SEMA7A: variants seen among roughly 807,000 people sequenced by gnomAD.
SEMA7A encodes semaphorin-7A.
SEMA7A carries 21 observed loss-of-function variants against 67.5 expected under a neutral mutation model. That is an observed-to-expected ratio of 0.31 (90% CI 0.22 to 0.45). The LOEUF (loss-of-function observed/expected upper bound fraction) is 0.45, where lower values mean the gene tolerates loss of function less well. SEMA7A is among the 20% of genes least tolerant of loss of function. The pLI is 1.00. For missense variants in SEMA7A, 774 were observed against 908.6 expected, an observed-to-expected ratio of 0.85 and a Z score of 1.90; for synonymous variants, 364 against 368.5, an observed-to-expected ratio of 0.99 and a Z score of 0.14.
At chr15:74,425,666 T>C (rs1346499156) in intron 1 of SEMA7A, among the ~76,000 whole-genome samples, 1 of 152,234 alleles carries the variant, frequency 6.6e-6, no homozygotes, top group Non-Finnish European at 1.5e-5. Flanking sequence ...GCTTTGATGT[T>C]GCCCTGGCAT....
Position 74,411,895 on chromosome 15 carries a change from T to C in SEMA7A, c.1412A>G (p.Asp471Gly). 6.2e-7 allele frequency: 1 copy of C among 1,613,906 alleles called. No individual in the cohort carries two copies. The highest frequency in any genetic ancestry group is 8.5e-7 in the Non-Finnish European group (1 of 1,180,032). The change falls in exon 11 of 14, where the codon GAT (aspartate) becomes GGT (glycine). Residue 471 changes from aspartate (D) to glycine (G), a missense_variant. Coordinates refer to ENST00000261918, the MANE Select transcript of SEMA7A (RefSeq NM_003612.5). The surrounding 1 kb of genome is among the most constrained non-coding windows in gnomAD (Gnocchi z 4.4). The part of the protein sequence containing the change: ...RAAAIQTMSL[D>G]AERRKLYVSS... ...TGGGGGAAGGCTCACCCGCTCAGCA[T>C]CCAGCGACATGGTCTGGATGGCAGC... is the stretch of plus-strand genomic sequence containing the variant.
chr15:74,418,354 G>C, intron 2 of SEMA7A, 45 bp from the exon 3 acceptor site: 2 of 1,587,468 alleles, frequency 1.3e-6, no homozygotes, highest in Non-Finnish European at 1.7e-6. Context: ...CAGGGGTGAG[G>C]TACCCCTGAA....
chr15:74,417,312 A>T, intron 6 of SEMA7A, 23 bp downstream of exon 6: 1 of 1,595,968 alleles, frequency 6.3e-7, no homozygotes, highest in Non-Finnish European at 8.6e-7. Context: ...GCCCACCCTC[A>T]GCCCAGCCGG....
Position 74,418,785 on chromosome 15 carries a change from G to A in SEMA7A, c.330+16C>T. ...TAAGAGGGTAGGGGGGGTGTTGGGG[G>A]AAGAGAGAGGCTCACCGTGCGCACA... On this transcript the variant is annotated intron_variant, in intron 2 of 13. Coordinates refer to ENST00000261918, the MANE Select transcript of SEMA7A (RefSeq NM_003612.5). 4.3e-6 allele frequency: 7 copies of A among 1,611,824 alleles called. No individual in the cohort carries two copies. In the South Asian group the frequency reaches 5.5e-5, roughly 13 times the overall value.
Position 74,410,893 on chromosome 15 carries a change from G to A in SEMA7A, c.1732C>T (p.Arg578Cys), listed in dbSNP as rs763712355. Reference sequence around the variant, plus strand: ...CTCTGCTCCACGTTCTCCTTGTGGCGCCATGAGTAGGTGGCGTGGCGGGAT... The same window carrying A: ...CTCTGCTCCACGTTCTCCTTGTGGCACCATGAGTAGGTGGCGTGGCGGGAT... ...MESRHATYSW[R>C]HKENVEQSCE... Residue 578 changes from arginine to cysteine, a missense_variant, in exon 14 of 14, where the codon CGC (arginine) becomes TGC (cysteine). By Grantham distance (180) the Arg-to-Cys change is radical. Around this residue, in one of 2 missense-constraint regions of SEMA7A, gnomAD observed 427 missense variants for 555.4 expected, o/e 0.77. Transcript: ENST00000261918. The surrounding 1 kb of genome is among the most constrained non-coding windows in gnomAD (Gnocchi z 7.5). 3.7e-6 allele frequency: 6 copies of A among 1,614,200 alleles called. No individual in the cohort carries two copies. Among genetic ancestry groups the A allele is most frequent in the East Asian group, 2.2e-5 (1 of 44,886 alleles).
At position 74,427,407 on chromosome 15, in the gene SEMA7A, C is replaced by T. The variant is rs190739201; in HGVS notation, c.178+6334G>A. ...TGGAGTGCAGAAGTCATCACAGTGA[C>T]CTTCCTTCCTCGACAGGCTGGGCCA... On this transcript the variant is annotated intron_variant, in intron 1 of 13. Transcript: ENST00000261918. 1.7e-4 allele frequency: 171 copies of T among 985,270 alleles called. 2 individuals carry two copies. In the Admixed American group the frequency reaches 9.0e-3, roughly 52 times the overall value. The allele number at this position is 985,270 out of a possible 1,614,324, so 61.0% of individuals were successfully genotyped here.
In SEMA7A at chr15:74,433,761, C is replaced by A. The variant is rs1186289093; in HGVS notation, c.158G>T (p.Arg53Leu). 1.4e-6 allele frequency: 2 copies of A among 1,445,208 alleles called. No homozygotes were observed. The highest frequency in any genetic ancestry group is 1.4e-5 in the South Asian group (1 of 73,808). 89.5% of individuals were successfully genotyped at this position (1,445,208 alleles called of 1,614,324 possible). A position where few individuals can be genotyped will look rare whatever the true frequency, so the allele number is the denominator to read the frequency against. ...CCTACCTTTCCAGACGGCGAAGATG[C>A]GGGGTCCGCTCCTTAGGTGGCCCTG... Reference protein sequence around the residue: ...SAQGHLRSGPRIFAVWKGHVG... With the variant: ...SAQGHLRSGPLIFAVWKGHVG... The change falls in exon 1 of 14, where the codon CGC (arginine) becomes CTC (leucine). Residue 53 changes from arginine to leucine, a missense_variant. By Grantham distance (102) the Arg-to-Leu change is moderately radical. Transcript: ENST00000261918.
rs1339710037 is a variant in SEMA7A at position 74,433,957 on chromosome 15, C to G, written c.-39G>C. On this transcript the variant is annotated 5_prime_UTR_variant, in exon 1 of 14. Transcript: ENST00000261918. ...GAGCGACAGCGGCAATCAGCCGAGACTGAGCCAGCGCCCGGCCGCAGGCAG... is the reference window on the plus strand; with the variant it reads ...GAGCGACAGCGGCAATCAGCCGAGAGTGAGCCAGCGCCCGGCCGCAGGCAG... The G allele has an allele frequency of 1.6e-6, 2 of 1,235,006 alleles. No homozygotes were observed. The allele number at this position is 1,235,006 out of a possible 1,614,324, so 76.5% of individuals were successfully genotyped here.
In SEMA7A at chr15:74,414,128, G is replaced by A. The variant is rs1395223483; in HGVS notation, c.1294+419C>T. On this transcript the variant is annotated intron_variant, in intron 10 of 13. Transcript: ENST00000261918. This position sits in a 1 kb window ranked among gnomAD's most constrained non-coding sequence, Gnocchi z 4.1. ...ACTCCTCAAATGTTTCCTCTCACCT[G>A]CACAATCCCAAAGACAGGCGCAGGG... is the stretch of plus-strand genomic sequence containing the variant. 2.0e-5 allele frequency among the ~76,000 whole-genome samples: 3 copies of A among 152,156 alleles called. No individual in the cohort carries two copies. The highest frequency in any genetic ancestry group is 7.2e-5 in the African/African-American group (3 of 41,420).
chr15:74,427,035 GATT>G (rs1473946068), intron 1 of SEMA7A, among the ~76,000 whole-genome samples: 1 of 152,116 alleles, frequency 6.6e-6, no homozygotes, highest in Admixed American at 6.6e-5. Context: ...CCCCTCCCTG[GATT>G]GACCTTCCTC....
At position 74,414,569 on chromosome 15, in the gene SEMA7A, A is replaced by T; in HGVS notation, c.1272T>A (p.Phe424Leu). ...HRMQASHGET[F>L]HVLYLTTDRG... ...CACCTGTAGTTAGGTAAAGCACATG[A>T]AAGGTCTCCCCGTGGCTGGCTTGCA... Residue 424 changes from phenylalanine (F) to leucine (L), a missense_variant, in exon 10 of 14, where the codon TTT (phenylalanine) becomes TTA (leucine). Physicochemically the swap from Phe to Leu is conservative, Grantham distance 22. This residue lies in a region of SEMA7A where 427 missense variants were observed against 555.4 expected (regional missense o/e 0.77). Transcript: ENST00000261918. This position sits in a 1 kb window ranked among gnomAD's most constrained non-coding sequence, Gnocchi z 4.1. The T allele has an allele frequency of 6.2e-7, 1 of 1,614,250 alleles. No individual in the cohort carries two copies. The highest frequency in any genetic ancestry group is 8.5e-7 in the Non-Finnish European group (1 of 1,180,052).
At chr15:74,424,025 A>G (rs564106931) in intron 1 of SEMA7A, among the ~76,000 whole-genome samples, 3 of 152,136 alleles carry the variant, frequency 2.0e-5, no homozygotes, top group Non-Finnish European at 2.9e-5. Context: ...AGGACTGAGA[A>G]GTCTAACTTG....
Position 74,410,879 on chromosome 15 carries a change from G to A in SEMA7A, c.1746C>T (p.Asn582=), listed in dbSNP as rs374539349. Residue 582 remains asparagine (N), a synonymous_variant, in exon 14 of 14, where the codon AAC becomes AAT. Coordinates refer to ENST00000261918, the MANE Select transcript of SEMA7A (RefSeq NM_003612.5). The surrounding 1 kb of genome is among the most constrained non-coding windows in gnomAD (Gnocchi z 7.5). The part of the protein sequence containing the change: ...HATYSWRHKE[N]VEQSCEPGHQ... ...GACCAGGTTCGCAGCTCTGCTCCAC[G>A]TTCTCCTTGTGGCGCCATGAGTAGG... The A allele has an allele frequency of 4.2e-5, 68 of 1,614,194 alleles. No homozygotes were observed. In the East Asian group the frequency reaches 7.4e-4, roughly 17 times the overall value.
intron 8 of SEMA7A, among the ~76,000 whole-genome samples, chr15:74,415,518 C>T (rs2060940444): frequency 6.6e-6 from 1 of 152,102 alleles, no homozygotes; most frequent in South Asian, 2.1e-4. Context: ...GCCCAGTGTC[C>T]ACTCTCGGCA....
chr15:74,418,818 T>C lies in SEMA7A; in HGVS notation c.313A>G (p.Asn105Asp). The C allele has an allele frequency of 1.2e-6, 2 of 1,613,840 alleles. No homozygotes were observed. Among genetic ancestry groups the C allele is most frequent in the Non-Finnish European group, 1.7e-6 (2 of 1,179,948 alleles). Reference protein sequence around the residue: ...VYLFDFPEGKNASVRTVNIGS... With the variant: ...VYLFDFPEGKDASVRTVNIGS... ...AGGCTCACCGTGCGCACAGATGCGT[T>C]CTTGCCCTCGGGGAAGTCAAAGAGG... Residue 105 changes from asparagine (N) to aspartate (D), a missense_variant, in exon 2 of 14, where the codon AAC (asparagine) becomes GAC (aspartate). Physicochemically the swap from Asn to Asp is conservative, Grantham distance 23. Around this residue, in one of 2 missense-constraint regions of SEMA7A, gnomAD observed 347 missense variants for 353.2 expected, o/e 0.98. Coordinates refer to ENST00000261918, the MANE Select transcript of SEMA7A (RefSeq NM_003612.5).
intron 10 of SEMA7A, among the ~76,000 whole-genome samples, chr15:74,412,911 C>T (rs1481834856): frequency 6.6e-6 from 1 of 152,216 alleles, no homozygotes; most frequent in Non-Finnish European, 1.5e-5. Flanking sequence ...GAGCTGCCTG[C>T]CTCCTAGACC....
At chr15:74,412,247 G>A (rs5015024) in intron 10 of SEMA7A, among the ~76,000 whole-genome samples, 22,260 of 152,178 alleles carry the variant, frequency 0.15, 1,802 homozygotes, top group South Asian at 0.35. Context: ...CCCTGGATAC[G>A]GCCTCCAACA....
rs2060895157 is a variant in SEMA7A at position 74,411,017 on chromosome 15, AG to A, written c.1640-33del. On this transcript the variant is annotated intron_variant, in intron 13 of 13. Transcript: ENST00000261918. This position sits in a 1 kb window ranked among gnomAD's most constrained non-coding sequence, Gnocchi z 4.4. ...AGGCAGTGGGGAAGCAGCCGTGAGG[AG>A]GGACAAAGAGCTCCCAGGGGAGGAT... 1 of 1,590,968 alleles carries A rather than the reference AG, an allele frequency of 6.3e-7. No individual in the cohort carries two copies.
chr15:74,412,053 C>T (rs746002022), intron 10 of SEMA7A, 41 bp from the exon 11 acceptor site: 4 of 1,610,992 alleles, frequency 2.5e-6, no homozygotes, highest in South Asian at 1.1e-5. Context: ...GGGAGTCCCA[C>T]TGAGGGGCCA....
Sources: gnomAD v4.1 joint callset for allele counts (sites outside exome capture counted in the v4.1 genomes callset) on GRCh38, gnomAD v4.1.1 for gene constraint, gnomAD v4.1.1 regional missense constraint, Gnocchi (gnomAD v3.1) non-coding constraint, MANE v1.5 for transcripts, NCBI Gene and HGNC (gene_info 2026-07-23, HGNC 2026-07-21) for gene names.